The following SLC35F1 variants were observed in gnomAD, a reference collection of about 807,000 sequenced individuals.
SLC35F1 encodes the protein solute carrier family 35 member F1.
SLC35F1 carries 14 observed loss-of-function variants against 48.7 expected under a neutral mutation model. That is an observed-to-expected ratio of 0.29 (90% confidence interval 0.19 to 0.45). The LOEUF is 0.45. Among genes scored for constraint, SLC35F1 ranks in the 20% least tolerant of loss-of-function variants. The probability of loss-of-function intolerance (pLI) is 1.00; values close to 1 mark genes in which losing one functional copy is unlikely to be tolerated. For synonymous variants in SLC35F1, 190 were observed against 202.2 expected, an observed-to-expected ratio of 0.94 and a Z score of 0.51; for missense variants, 404 against 500.0, an observed-to-expected ratio of 0.81 and a Z score of 1.83.
At chr6:118,249,245 A>G (rs893119816) in intron 3 of SLC35F1, among the ~76,000 whole-genome samples, 4 of 152,236 alleles carry the variant, frequency 2.6e-5, no homozygotes, top group Admixed American at 2.6e-4. Flanking sequence ...AACTGGAAAC[A>G]TAACTGTAAG....
intron 1 of SLC35F1, among the ~76,000 whole-genome samples, chr6:117,997,572 T>A (rs1777014611): frequency 6.6e-6 from 1 of 152,152 alleles, no homozygotes; most frequent in South Asian, 2.1e-4. Flanking sequence ...TAACAGTGGA[T>A]CTCTCAGCAG....
chr6:118,165,165 A>G (rs1431301817), intron 2 of SLC35F1, among the ~76,000 whole-genome samples: 1 of 152,176 alleles, frequency 6.6e-6, no homozygotes, highest in Non-Finnish European at 1.5e-5. Context: ...TGGAGAAAAC[A>G]ATTTCCTAGG....
intron 7 of SLC35F1, among the ~76,000 whole-genome samples, chr6:118,294,789 G>T (rs1776163808): frequency 6.6e-6 from 1 of 151,428 alleles, no homozygotes. Context: ...TCTTGCATCA[G>T]GAAAGTGTTT....
intron 1 of SLC35F1, among the ~76,000 whole-genome samples, chr6:118,143,676 A>C (rs1406575987): frequency 6.6e-6 from 1 of 152,200 alleles, no homozygotes; most frequent in Non-Finnish European, 1.5e-5. Context: ...TTTATAGACA[A>C]ATTTAAGTAA....
intron 1 of SLC35F1, among the ~76,000 whole-genome samples, chr6:118,037,519 G>C (rs905828179): frequency 2.6e-5 from 4 of 151,800 alleles, no homozygotes; most frequent in Admixed American, 1.3e-4. Flanking sequence ...ATTTTGGGGG[G>C]GTTACTTTGA....
At chr6:118,291,437 G>C (rs2114648751) in intron 7 of SLC35F1, among the ~76,000 whole-genome samples, 2 of 152,234 alleles carry the variant, frequency 1.3e-5, no homozygotes, top group Admixed American at 1.3e-4. Context: ...TAGTTCTTCA[G>C]ATATTCTGGA....
intron 2 of SLC35F1, among the ~76,000 whole-genome samples, chr6:118,221,940 C>G (rs1347226016): frequency 6.7e-6 from 1 of 149,860 alleles, no homozygotes; most frequent in African/African-American, 2.5e-5. Context: ...GTTCAAATTT[C>G]TAATTTTTAC....
chr6:118,146,137 G>A (rs1773969824), intron 1 of SLC35F1, among the ~76,000 whole-genome samples: 1 of 152,038 alleles, frequency 6.6e-6, no homozygotes, highest in Non-Finnish European at 1.5e-5. Context: ...GGAGTGAGTG[G>A]GAATGCCTCA....
intron 1 of SLC35F1, among the ~76,000 whole-genome samples, chr6:118,064,112 A>C (rs539040318): frequency 2.0e-5 from 3 of 152,174 alleles, no homozygotes; most frequent in Non-Finnish European, 4.4e-5. Context: ...CACATCTTAC[A>C]TGGATGGTAG....
intron 1 of SLC35F1, chr6:117,999,472 G>C: frequency 6.5e-7 from 1 of 1,545,150 alleles, no homozygotes; most frequent in Non-Finnish European, 8.7e-7. Context: ...CATGAGGACA[G>C]AAGGACTGGT....
intron 1 of SLC35F1, among the ~76,000 whole-genome samples, chr6:118,034,515 G>A (rs147496443): frequency 0.018 from 2,730 of 152,082 alleles, 83 homozygotes; most frequent in African/African-American, 0.062. Context: ...GAGAGATTGC[G>A]ACACTGCACT....
At chr6:118,000,809 A>C (rs1582610876) in intron 1 of SLC35F1, among the ~76,000 whole-genome samples, 1 of 152,324 alleles carries the variant, frequency 6.6e-6, no homozygotes, top group East Asian at 1.9e-4. Flanking sequence ...CCAGTAACAG[A>C]CAAACAGAGA....
chr6:117,940,502 A>G lies in SLC35F1; in HGVS notation c.173+32603A>G, dbSNP rs1022213172. 6.6e-5 allele frequency among the ~76,000 whole-genome samples: 10 copies of G among 152,250 alleles called. No homozygotes were observed. In the East Asian group the frequency reaches 1.7e-3, roughly 26 times the overall value. On this transcript the variant is annotated intron_variant, in intron 1 of 7. Coordinates refer to ENST00000360388, the MANE Select transcript of SLC35F1 (RefSeq NM_001029858.4). Reference sequence around the variant, plus strand: ...CAATCCCACATCTGGTTGTATATCCAAAGAAAAATAAATCAGTATCTCAAA... The same window carrying G: ...CAATCCCACATCTGGTTGTATATCCGAAGAAAAATAAATCAGTATCTCAAA...
chr6:118,095,701 C>A (rs1168324914), intron 1 of SLC35F1, among the ~76,000 whole-genome samples: 3 of 152,056 alleles, frequency 2.0e-5, no homozygotes, highest in African/African-American at 4.8e-5. Context: ...ATCAGACATA[C>A]ACAATAGGGC....
chr6:118,001,326 C>A (rs552627915), intron 1 of SLC35F1, among the ~76,000 whole-genome samples: 35 of 152,202 alleles, frequency 2.3e-4, no homozygotes, highest in Middle Eastern at 3.4e-3. Flanking sequence ...CTTTGACAAA[C>A]CTGACAAAAA....
chr6:118,316,088 C>T lies in SLC35F1; in HGVS notation c.*1836C>T, dbSNP rs1195925469. 1.3e-5 allele frequency: 2 copies of T among 152,184 alleles called. No individual in the cohort carries two copies. The highest frequency in any genetic ancestry group is 6.5e-5 in the Admixed American group (1 of 15,288). The allele number at this position is 152,184 out of a possible 1,614,324, so 9.4% of individuals were successfully genotyped here. A position where few individuals can be genotyped will look rare whatever the true frequency, so the allele number is the denominator to read the frequency against. ...GGTCTCTGGAAAGTAAAAGGACAGA[C>T]TACAGTAGAAGGACTGATCCCAGAG... On this transcript the variant is annotated 3_prime_UTR_variant, in exon 8 of 8. Coordinates refer to ENST00000360388, the MANE Select transcript of SLC35F1 (RefSeq NM_001029858.4).
intron 2 of SLC35F1, among the ~76,000 whole-genome samples, chr6:118,178,601 A>C (rs1774527305): frequency 6.6e-6 from 1 of 152,068 alleles, no homozygotes; most frequent in African/African-American, 2.4e-5. Flanking sequence ...TATTCCACAA[A>C]ACCATGGATG....
At chr6:118,097,598 G>T (rs1159888094) in intron 1 of SLC35F1, among the ~76,000 whole-genome samples, 3 of 152,286 alleles carry the variant, frequency 2.0e-5, no homozygotes, top group Non-Finnish European at 4.4e-5. Flanking sequence ...GGCACAGCTA[G>T]AGCTGACTCT....
chr6:118,096,048 T>G (rs73514526), intron 1 of SLC35F1, among the ~76,000 whole-genome samples: 1,977 of 152,264 alleles, frequency 0.013, 39 homozygotes, highest in African/African-American at 0.045. Context: ...GACTCTATAC[T>G]CTCTCCAAAA....
Sources: allele counts gnomAD v4.1 joint callset (sites outside exome capture counted in the v4.1 genomes callset), GRCh38; gene constraint gnomAD v4.1.1; transcripts MANE v1.5; gene names NCBI Gene and HGNC (gene_info 2026-07-23, HGNC 2026-07-21).